DPH6: variants seen among roughly 807,000 people sequenced by gnomAD.
DPH6 encodes the protein diphthamine biosynthesis 6.
In DPH6, 33 loss-of-function variants were observed where a neutral mutation model predicts 38.2. The ratio of observed to expected loss-of-function variants is 0.86; its 90% CI spans 0.65 to 1.15. The LOEUF (loss-of-function observed/expected upper bound fraction) is 1.15. Among genes scored for constraint, DPH6 ranks in the 50% most tolerant of loss-of-function variants. DPH6 has a pLI of 0.00. For missense variants in DPH6, 325 were observed against 320.0 expected, an observed-to-expected ratio of 1.02 and a Z score of -0.12; for synonymous variants, 108 against 103.0, an observed-to-expected ratio of 1.05 and a Z score of -0.30.
chr15:35,340,305 C>A (rs576146664), intron 3 of DPH6, among the ~76,000 whole-genome samples: 1 of 152,248 alleles, frequency 6.6e-6, no homozygotes, highest in African/African-American at 2.4e-5. Context: ...GAAGACAGCA[C>A]ATTGATGGGT....
chr15:35,362,519 T>C (rs1477511360), intron 3 of DPH6, among the ~76,000 whole-genome samples: 2 of 152,354 alleles, frequency 1.3e-5, no homozygotes, highest in South Asian at 2.1e-4. Context: ...ATCTTTATTA[T>C]TGCCAGTTTT....
Position 35,381,988 on chromosome 15 carries a change from T to C in DPH6, c.568-72A>G, listed in dbSNP as rs1014129161. 4 of 1,070,616 alleles carry C rather than the reference T, an allele frequency of 3.7e-6. No homozygotes were observed. In the African/African-American group the frequency reaches 4.8e-5, roughly 13 times the overall value. The allele number at this position is 1,070,616 out of a possible 1,614,324, so 66.3% of individuals were successfully genotyped here. A position where few individuals can be genotyped will look rare whatever the true frequency, so the allele number is the denominator to read the frequency against. ...ACAGCATAAATGCTCTCTTATCTGG[T>C]ACTAAAAAATCCATACAAAAAACTT... On this transcript the variant is annotated intron_variant, in intron 6 of 8. Transcript: ENST00000256538.
At chr15:35,227,162 T>C (rs1050295187) in intron 3 of DPH6, among the ~76,000 whole-genome samples, 1 of 150,982 alleles carries the variant, frequency 6.6e-6, no homozygotes, top group African/African-American at 2.4e-5. Context: ...GCAATATCAG[T>C]TATAACATCT....
intron 3 of DPH6, among the ~76,000 whole-genome samples, chr15:35,297,685 C>A (rs1407387107): frequency 6.6e-6 from 1 of 151,926 alleles, no homozygotes; most frequent in Admixed American, 6.6e-5. Flanking sequence ...GTGATTTTTC[C>A]ATTTTATATC....
At chr15:35,326,996 T>C (rs1159882238), downstream of DPH6, among the ~76,000 whole-genome samples, 2 of 152,044 alleles carry the variant, frequency 1.3e-5, no homozygotes, top group Admixed American at 6.6e-5. Flanking sequence ...GTGGCATTCA[T>C]AGAGTAGCCA....
rs949394674 is a variant in DPH6, at chr15:35,401,781, A to G, written c.567+9054T>C. The G allele has an allele frequency of 1.7e-5, 11 of 633,804 alleles. No individual in the cohort carries two copies. The African/African-American group carries it at 2.0e-4, about 11-fold the overall frequency. 39.3% of individuals were successfully genotyped at this position (633,804 alleles called of 1,614,324 possible). A position where few individuals can be genotyped will look rare whatever the true frequency, so the allele number is the denominator to read the frequency against. ...CAGAAGATTTTAATTACTGCCAGGAAACAAAGCTTAACAGGAGAGGAGAGC... is the reference window on the plus strand; with the variant it reads ...CAGAAGATTTTAATTACTGCCAGGAGACAAAGCTTAACAGGAGAGGAGAGC... On this transcript the variant is annotated intron_variant, in intron 6 of 8. Coordinates refer to ENST00000256538, the MANE Select transcript of DPH6 (RefSeq NM_080650.4).
chr15:35,270,618 T>C lies in DPH6; in HGVS notation n.201-50036A>G, dbSNP rs529264698. Among the ~76,000 whole-genome samples, 4 of 152,360 alleles carry C rather than the reference T, an allele frequency of 2.6e-5. No homozygotes were observed. In the South Asian group the frequency reaches 8.3e-4, roughly 32 times the overall value. Reference sequence around the variant, plus strand: ...ATAGTGGAGGCTGTGTCTAGTTTACTTCTTTAAGGGCACCTAGAAAAAACC... The same window carrying C: ...ATAGTGGAGGCTGTGTCTAGTTTACCTCTTTAAGGGCACCTAGAAAAAACC... On this transcript the variant is annotated intron_variant and non_coding_transcript_variant, in intron 3 of 3. Coordinates refer to the DPH6 transcript ENST00000560386.
the DPH6 span, among the ~76,000 whole-genome samples, chr15:35,178,488 T>A: frequency 6.6e-6 from 1 of 152,196 alleles, no homozygotes; most frequent in African/African-American, 2.4e-5. Flanking sequence ...AAGAACAGCA[T>A]GGGAAAGACC....
In DPH6 at chr15:35,359,741, C is replaced by A. The variant is rs375392917; in HGVS notation, n.207+13780G>T. Among the ~76,000 whole-genome samples the A allele has an allele frequency of 4.9e-4, 75 of 152,284 alleles. 1 individual carries two copies. Among genetic ancestry groups the A allele is most frequent in the African/African-American group, 1.7e-3 (70 of 41,566 alleles). On this transcript the variant is annotated intron_variant and non_coding_transcript_variant, in intron 3 of 3. Coordinates refer to the DPH6 transcript ENST00000558973. ...TGGGCGGGGGGACTCCTGGGTCCTG[C>A]AGGAGCAGTCCACTTCCTTCAGAGG...
chr15:35,423,952 T>C (rs2053537533), intron 5 of DPH6, among the ~76,000 whole-genome samples: 1 of 151,738 alleles, frequency 6.6e-6, no homozygotes, highest in African/African-American at 2.4e-5. Flanking sequence ...GCCAGTGCCA[T>C]TCTGTTTTCA....
rs1444517290 is a variant in DPH6 at position 35,245,717 on chromosome 15, C to G, written n.201-25135G>C. On this transcript the variant is annotated intron_variant and non_coding_transcript_variant, in intron 3 of 3. Coordinates refer to the DPH6 transcript ENST00000560386. Reference sequence around the variant, plus strand: ...TGCAGAACAGCTCTCTCAAATCAAACAAATCAACACATTTTAACTTTTCAC... The same window carrying G: ...TGCAGAACAGCTCTCTCAAATCAAAGAAATCAACACATTTTAACTTTTCAC... 9.9e-5 allele frequency among the ~76,000 whole-genome samples: 15 copies of G among 152,136 alleles called. No individual in the cohort carries two copies. The East Asian group carries it at 2.7e-3, about 27-fold the overall frequency.
intron 3 of DPH6, among the ~76,000 whole-genome samples, chr15:35,511,084 G>A (rs1303684387): frequency 6.6e-6 from 1 of 152,098 alleles, no homozygotes; most frequent in African/African-American, 2.4e-5. Flanking sequence ...GTACTTGTTA[G>A]AAAAATCTCA....
At chr15:35,146,069 CTGTGTGTGTGTGTG>C in the DPH6 span, among the ~76,000 whole-genome samples, 186 of 147,112 alleles carry the variant, frequency 1.3e-3, 1 homozygote, top group African/African-American at 3.2e-3. Context: ...CTTATAGTTT[CTGTGTGTGTGTGTG>C]TGTGTGTGTG....
intron 5 of DPH6, among the ~76,000 whole-genome samples, chr15:35,429,085 T>C (rs1426700017): frequency 2.0e-5 from 3 of 152,188 alleles, no homozygotes; most frequent in Non-Finnish European, 4.4e-5. Context: ...ATACTGCCTT[T>C]TCCTTAAATT....
chr15:35,300,221 G>T (rs896065209), intron 3 of DPH6, among the ~76,000 whole-genome samples: 1 of 152,306 alleles, frequency 6.6e-6, no homozygotes, highest in Non-Finnish European at 1.5e-5. Context: ...GCAGACAAGG[G>T]TATAATCATG....
At chr15:35,478,336 A>C (rs761977675) in intron 3 of DPH6, among the ~76,000 whole-genome samples, 9 of 149,132 alleles carry the variant, frequency 6.0e-5, no homozygotes. Context: ...AACACTAGGA[A>C]TACTTTACCC....
chr15:35,284,390 A>C (rs1264249321), intron 3 of DPH6, among the ~76,000 whole-genome samples: 1 of 152,154 alleles, frequency 6.6e-6, no homozygotes, highest in African/African-American at 2.4e-5. Context: ...TATTTGGCTA[A>C]ATTTTTATCC....
At chr15:35,348,530 G>A (rs1036604603) in intron 3 of DPH6, among the ~76,000 whole-genome samples, 5 of 151,994 alleles carry the variant, frequency 3.3e-5, no homozygotes, top group Non-Finnish European at 5.9e-5. Flanking sequence ...GTATCATACC[G>A]TTTTGACTAC....
At chr15:35,165,566 T>C in the DPH6 span, among the ~76,000 whole-genome samples, 3,268 of 151,966 alleles carry the variant, frequency 0.022, 56 homozygotes, top group Middle Eastern at 0.037. Context: ...AATATACTTG[T>C]AGATACTGTG....
Sources: gnomAD v4.1 joint callset for allele counts (sites outside exome capture counted in the v4.1 genomes callset) on GRCh38, gnomAD v4.1.1 for gene constraint, MANE v1.5 for transcripts, NCBI Gene and HGNC (gene_info 2026-07-23, HGNC 2026-07-21) for gene names.